Variants in PDIA6 observed in about 807,000 individuals in gnomAD.
The protein encoded by PDIA6 is protein disulfide-isomerase A6.
A neutral mutation model predicts 58.4 loss-of-function variants in PDIA6; 29 were observed. The ratio of observed to expected loss-of-function variants is 0.50; its 90% CI spans 0.37 to 0.68. PDIA6 has a LOEUF of 0.68. Ranked by LOEUF, PDIA6 falls within the 30% of genes least tolerant of loss-of-function variation. The pLI is 0.00. For missense variants in PDIA6, 480 were observed against 551.0 expected (o/e 0.87, Z 1.29); for synonymous variants, 192 against 202.6 (o/e 0.95, Z 0.44).
At position 10,786,599 on chromosome 2, in the gene PDIA6, C is replaced by T. The variant is rs186289445; in HGVS notation, c.1157+682G>A. On this transcript the variant is annotated intron_variant, in intron 11 of 12. Coordinates refer to ENST00000272227, the MANE Select transcript of PDIA6 (RefSeq NM_005742.4). ...TGGCAGCAAGAGCACTGCAGGCTTT[C>T]ATGTACTGTTCTTCCTATTCATTAT... 4.3e-4 allele frequency among the ~76,000 whole-genome samples: 65 copies of T among 152,326 alleles called. 1 individual carries two copies. The highest frequency in any genetic ancestry group is 1.6e-3 in the African/African-American group (65 of 41,566).
chr2:10,820,837 C>A (rs1462636246), intron 1 of PDIA6: 4 of 702,882 alleles, frequency 5.7e-6, no homozygotes, highest in Non-Finnish European at 1.0e-5. Flanking sequence ...CACACCCACA[C>A]AAGCTTCTCC....
At chr2:10,813,819 AG>A (rs1302794428), upstream of PDIA6, among the ~76,000 whole-genome samples, 3 of 147,860 alleles carry the variant, frequency 2.0e-5, no homozygotes, top group African/African-American at 5.2e-5. Flanking sequence ...TATTTTTAGC[AG>A]AGACAGGGTT....
At chr2:10,794,219 G>A (rs536157882) in intron 4 of PDIA6, among the ~76,000 whole-genome samples, 3 of 152,058 alleles carry the variant, frequency 2.0e-5, no homozygotes, top group South Asian at 2.1e-4. Context: ...GCAGAGGCAC[G>A]TGGAACACCT....
At position 10,821,956 on chromosome 2, in the gene PDIA6, A is replaced by T. The variant is rs570039029; in HGVS notation, c.-47-2602T>A. Among the ~76,000 whole-genome samples the T allele has an allele frequency of 8.0e-3, 1,200 of 149,726 alleles. 21 individuals carry two copies. The highest frequency in any genetic ancestry group is 0.028 in the African/African-American group (1,143 of 40,638). ...AACGATTTTTAAAATTAAAAAAAAAATTTTTTTGAGACAGAGTCTGTTGCC... is the reference window on the plus strand; with the variant it reads ...AACGATTTTTAAAATTAAAAAAAAATTTTTTTTGAGACAGAGTCTGTTGCC... On this transcript the variant is annotated intron_variant, in intron 1 of 13. Coordinates refer to the PDIA6 transcript ENST00000381611.
chr2:10,831,616 C>T (rs572368803), intron 1 of PDIA6, among the ~76,000 whole-genome samples: 16 of 152,252 alleles, frequency 1.1e-4, no homozygotes, highest in Non-Finnish European at 1.5e-4. Flanking sequence ...ATGTGCCCCT[C>T]GCCTCCACAC....
chr2:10,786,184 G>A (rs768049053), intron 11 of PDIA6, among the ~76,000 whole-genome samples: 40 of 152,110 alleles, frequency 2.6e-4, no homozygotes, highest in African/African-American at 4.1e-4. Context: ...TTAGCTGGGC[G>A]TGGTGGCAGG....
upstream of PDIA6, among the ~76,000 whole-genome samples, chr2:10,817,661 C>T (rs541375764): frequency 1.8e-4 from 28 of 152,316 alleles, no homozygotes; most frequent in African/African-American, 6.5e-4. Flanking sequence ...GTTCCTCTTC[C>T]ACCAGGCGGA....
chr2:10,822,755 C>T (rs1352895498), intron 1 of PDIA6, among the ~76,000 whole-genome samples: 1 of 152,230 alleles, frequency 6.6e-6, no homozygotes, highest in Non-Finnish European at 1.5e-5. Context: ...CTTTACTAAA[C>T]AATTTGCAAG....
At chr2:10,824,378 G>A (rs906322360) in intron 1 of PDIA6, among the ~76,000 whole-genome samples, 5 of 152,220 alleles carry the variant, frequency 3.3e-5, no homozygotes, top group African/African-American at 4.8e-5. Flanking sequence ...CCTCCCCATT[G>A]TGTAGCAACC....
At position 10,805,502 on chromosome 2, in the gene PDIA6, C is replaced by T. The variant is rs1453045780; in HGVS notation, c.20-2862G>A. 1.7e-3 allele frequency among the ~76,000 whole-genome samples: 136 copies of T among 79,248 alleles called. 6 individuals are homozygous for T. The East Asian group carries it at 0.037, about 21-fold the overall frequency. 52.0% of individuals were successfully genotyped at this position (79,248 alleles called of 152,430 possible). On this transcript the variant is annotated intron_variant, in intron 1 of 12. Transcript: ENST00000272227. ...TCAACCATTGTGGAAGTCAGTGTGG[C>T]GATTCCTCAGGGATCTAGAACTGGA...
chr2:10,832,403 A>G, exon 1 of PDIA6: 8 of 985,428 alleles, frequency 8.1e-6, no homozygotes, highest in Non-Finnish European at 9.6e-6. Context: ...TACGCCTCAC[A>G]AACACCACCT....
intron 8 of PDIA6, among the ~76,000 whole-genome samples, chr2:10,789,311 T>G (rs186539303): frequency 6.6e-6 from 1 of 152,260 alleles, no homozygotes; most frequent in African/African-American, 2.4e-5. Context: ...TCTTATATGT[T>G]TATACACACT....
At position 10,789,796 on chromosome 2, in the gene PDIA6, C is replaced by G. The variant is rs1366180625; in HGVS notation, c.793G>C (p.Ala265Pro). 1 of 1,613,682 alleles carries G rather than the reference C, an allele frequency of 6.2e-7. No homozygotes were observed. Among genetic ancestry groups the G allele is most frequent in the Admixed American group, 1.7e-5 (1 of 59,970 alleles). ...GCGTTATCAGAAAACAAATCAAGGG[C>G]CCGGGACACGATGTCGGATCTTGTC... Reference protein sequence around the residue: ...GRTRSDIVSRALDLFSDNAPP... With the variant: ...GRTRSDIVSRPLDLFSDNAPP... Residue 265 changes from alanine (A) to proline (P), a missense_variant, in exon 8 of 13, where the codon GCC (alanine) becomes CCC (proline). Transcript: ENST00000272227.
At chr2:10,816,366 G>A (rs1313043467), upstream of PDIA6, among the ~76,000 whole-genome samples, 6 of 148,812 alleles carry the variant, frequency 4.0e-5, no homozygotes, top group Non-Finnish European at 7.4e-5. Flanking sequence ...GATTATAGGC[G>A]TGGGCCACCA....
chr2:10,798,259 A>C (rs1666355450), intron 2 of PDIA6, among the ~76,000 whole-genome samples: 1 of 152,134 alleles, frequency 6.6e-6, no homozygotes, highest in Non-Finnish European at 1.5e-5. Context: ...ATTACTTACA[A>C]CAATCACTTT....
chr2:10,824,555 A>G (rs1184896288), intron 1 of PDIA6, among the ~76,000 whole-genome samples: 1 of 152,232 alleles, frequency 6.6e-6, no homozygotes, highest in African/African-American at 2.4e-5. Flanking sequence ...ACATAAACCA[A>G]TCAGAGTGAA....
intron 10 of PDIA6, among the ~76,000 whole-genome samples, chr2:10,788,069 A>T (rs1041451827): frequency 1.3e-5 from 2 of 151,678 alleles, no homozygotes; most frequent in African/African-American, 4.8e-5. Flanking sequence ...CTGTCTCAAA[A>T]AAAAAAAAAA....
At position 10,794,824 on chromosome 2, in the gene PDIA6, G is replaced by A. The variant is rs966366637; in HGVS notation, c.347-1622C>T. Among the ~76,000 whole-genome samples the A allele has an allele frequency of 2.0e-5, 3 of 152,114 alleles. No homozygotes were observed. In the East Asian group the frequency reaches 5.8e-4, roughly 29 times the overall value. On this transcript the variant is annotated intron_variant, in intron 4 of 12. Transcript: ENST00000272227. ...TGTCTGTAATCCCAGCTACTCAGGA[G>A]GCTGAGGCAGGAGAATTGCTTGAAC...
chr2:10,807,419 G>T (rs547840386), intron 1 of PDIA6, among the ~76,000 whole-genome samples: 6 of 152,142 alleles, frequency 3.9e-5, no homozygotes, highest in Non-Finnish European at 8.8e-5. Context: ...GCCCAGGCTG[G>T]TCTCAAGTGA....
Sources: allele counts gnomAD v4.1 joint callset (sites outside exome capture counted in the v4.1 genomes callset), GRCh38; gene constraint gnomAD v4.1.1; transcripts MANE v1.5; gene names NCBI Gene and HGNC (gene_info 2026-07-23, HGNC 2026-07-21).